Variants in C4orf51 observed in about 807,000 individuals in gnomAD.
C4orf51 encodes chromosome 4 open reading frame 51.
Under a neutral mutation model 25.2 loss-of-function variants are expected in C4orf51, and 25 were observed. The observed-to-expected ratio is 0.99, with a 90% CI of 0.72 to 1.39. The LOEUF (loss-of-function observed/expected upper bound fraction) is 1.39. Ranked by LOEUF, C4orf51 falls within the 40% of genes most tolerant of loss-of-function variation. C4orf51 has a pLI of 0.00. For synonymous variants in C4orf51, 100 were observed against 84.5 expected, an observed-to-expected ratio of 1.18 and a Z score of -1.01; for missense variants, 252 against 239.6, an observed-to-expected ratio of 1.05 and a Z score of -0.34.
chr4:145,701,018 T>C (rs1489334537), intron 2 of C4orf51, among the ~76,000 whole-genome samples: 1 of 152,182 alleles, frequency 6.6e-6, no homozygotes, highest in African/African-American at 2.4e-5. Context: ...GTTTAGGCTC[T>C]TTTTCATCAG....
chr4:145,687,575 T>C (rs571557259), intron 1 of C4orf51, among the ~76,000 whole-genome samples: 1 of 152,320 alleles, frequency 6.6e-6, no homozygotes, highest in South Asian at 2.1e-4. Flanking sequence ...CATTGTTGCT[T>C]AGGGGGAACA....
chr4:145,740,045 G>A (rs917188716), intron 1 of C4orf51, among the ~76,000 whole-genome samples: 6 of 152,060 alleles, frequency 3.9e-5, no homozygotes, highest in Non-Finnish European at 5.9e-5. Flanking sequence ...TTCAGAGTCC[G>A]CTGACATTGG....
intron 3 of C4orf51, 52 bp from the exon 4 acceptor site, chr4:145,729,117 T>A: frequency 8.3e-7 from 1 of 1,203,366 alleles, no homozygotes; most frequent in Non-Finnish European, 1.2e-6. Context: ...TTTATTAGAT[T>A]TCTATTATTA....
chr4:145,767,779 T>C (rs183039137), intron 1 of C4orf51, among the ~76,000 whole-genome samples: 1 of 152,222 alleles, frequency 6.6e-6, no homozygotes, highest in Admixed American at 6.5e-5. Flanking sequence ...ATTTCAAAAA[T>C]GAAGGCAACA....
intron 1 of C4orf51, among the ~76,000 whole-genome samples, chr4:145,688,976 G>A (rs1729358528): frequency 6.6e-6 from 1 of 152,068 alleles, no homozygotes; most frequent in Non-Finnish European, 1.5e-5. Context: ...ATTAAGGCAG[G>A]GTGCTTTTAT....
chr4:145,757,909 G>A (rs923583791), downstream of C4orf51: 1 of 152,158 alleles, frequency 6.6e-6, no homozygotes, highest in East Asian at 1.9e-4. Flanking sequence ...GGAAAAATAA[G>A]CTAGTTTTCA....
intron 1 of C4orf51, among the ~76,000 whole-genome samples, chr4:145,688,200 T>TAAAAAAAAAAAAAAAAAAAAAAAAAAAA: frequency 1.0e-5 from 1 of 98,824 alleles, no homozygotes. Flanking sequence ...GATCCTACCT[T>TAAAAAAAAAAAAAAAAAAAAAAAAAAAA]AAAAAAAAAA....
intron 1 of C4orf51, among the ~76,000 whole-genome samples, chr4:145,738,849 C>T (rs12644464): frequency 0.5 from 75,627 of 151,896 alleles, 20,090 homozygotes; most frequent in Non-Finnish European, 0.6. Context: ...CCATGTTGCC[C>T]AGGCTGGTCT....
In C4orf51 at chr4:145,703,496, G is replaced by A. The variant is rs190733082; in HGVS notation, c.307+6864G>A. Among the ~76,000 whole-genome samples, 154 of 152,242 alleles carry A rather than the reference G, an allele frequency of 1.0e-3. 1 individual carries two copies. The highest frequency in any genetic ancestry group is 1.2e-4 in the African/African-American group (5 of 41,542). On this transcript the variant is annotated intron_variant, in intron 2 of 5. Coordinates refer to ENST00000438731, the MANE Select transcript of C4orf51 (RefSeq NM_001080531.3). ...TGTTTGGTGGTCTCTTCACACGGAC[G>A]CGCATGAAACTCCTTATCTGAGATA...
the C4orf51 span, among the ~76,000 whole-genome samples, chr4:145,784,430 A>AT: frequency 6.6e-6 from 1 of 152,204 alleles, no homozygotes; most frequent in Non-Finnish European, 1.5e-5. Flanking sequence ...GACTTTGAAC[A>AT]TTAGGTTCCA....
the C4orf51 span, among the ~76,000 whole-genome samples, chr4:145,790,259 AT>A: frequency 6.6e-6 from 1 of 152,178 alleles, no homozygotes; most frequent in South Asian, 2.1e-4. Flanking sequence ...AGATATAAGA[AT>A]TTCCTCTTTT....
downstream of C4orf51, chr4:145,754,457 A>G (rs556799789): frequency 1.3e-5 from 2 of 152,442 alleles, no homozygotes; most frequent in Non-Finnish European, 2.9e-5. Flanking sequence ...GCTGGAAGCA[A>G]TTGGGATGGG....
intron 2 of C4orf51, among the ~76,000 whole-genome samples, chr4:145,721,836 A>G (rs1731756741): frequency 6.6e-6 from 1 of 152,214 alleles, no homozygotes; most frequent in South Asian, 2.1e-4. Context: ...TAGTAGACTT[A>G]TATGAACAAA....
intron 1 of C4orf51, chr4:145,760,909 A>G: frequency 1.6e-6 from 2 of 1,233,524 alleles, no homozygotes; most frequent in Non-Finnish European, 2.1e-6. Flanking sequence ...CTTGGGGTAT[A>G]ACATTGTCAA....
chr4:145,756,555 T>C (rs941178856), downstream of C4orf51, among the ~76,000 whole-genome samples: 15 of 152,296 alleles, frequency 9.8e-5, no homozygotes, highest in South Asian at 4.1e-4. Flanking sequence ...TTATTTTCTT[T>C]GTATTGCTGG....
At chr4:145,743,244 A>G (rs909808718) in intron 1 of C4orf51, among the ~76,000 whole-genome samples, 2 of 152,144 alleles carry the variant, frequency 1.3e-5, no homozygotes, top group African/African-American at 4.8e-5. Context: ...GTAACAAAAT[A>G]CCCGAGACTA....
At position 145,749,924 on chromosome 4, in the gene C4orf51, G is replaced by A. The variant is rs369584741; in HGVS notation, n.168-4283G>A. Among the ~76,000 whole-genome samples, 49 of 152,132 alleles carry A rather than the reference G, an allele frequency of 3.2e-4. No individual in the cohort carries two copies. The South Asian group carries it at 7.1e-3, about 22-fold the overall frequency. ...GCTGGGATTACAGACATGAGCCACC[G>A]TGCCCGTCCATCACCCATTATTTTA... On this transcript the variant is annotated intron_variant and non_coding_transcript_variant, in intron 1 of 1. Transcript: ENST00000508981.
downstream of C4orf51, among the ~76,000 whole-genome samples, chr4:145,734,087 G>A (rs2126781498): frequency 6.6e-6 from 1 of 152,342 alleles, no homozygotes; most frequent in East Asian, 1.9e-4. Context: ...GGTTGCAACA[G>A]TAACCTGGCC....
chr4:145,727,022 A>G (rs1732100367), intron 3 of C4orf51, 53 bp downstream of exon 3: 2 of 1,336,254 alleles, frequency 1.5e-6, no homozygotes, highest in South Asian at 1.2e-5. Flanking sequence ...TTAAATTATT[A>G]TACACTGCAT....
Sources: gnomAD v4.1 joint callset for allele counts (sites outside exome capture counted in the v4.1 genomes callset) on GRCh38, gnomAD v4.1.1 for gene constraint, MANE v1.5 for transcripts, NCBI Gene and HGNC (gene_info 2026-07-23, HGNC 2026-07-21) for gene names.